Variants in GSE1 observed in about 807,000 individuals in gnomAD.
GSE1 encodes Gse1 coiled-coil protein.
GSE1 carries 32 observed loss-of-function variants against 112.6 expected under a neutral mutation model. The observed-to-expected ratio is 0.28, with a 90% CI of 0.21 to 0.38. The LOEUF (loss-of-function observed/expected upper bound fraction) is 0.38, where lower values mean the gene tolerates loss of function less well. Ranked by LOEUF, GSE1 falls within the 10% of genes least tolerant of loss-of-function variation. The pLI, the probability that GSE1 is intolerant of heterozygous loss-of-function variation, is 1.00. For synonymous variants in GSE1, 1,115 were observed against 735.6 expected, an observed-to-expected ratio of 1.52 and a Z score of -8.35; for missense variants, 2,348 against 1,699.2, an observed-to-expected ratio of 1.38 and a Z score of -6.71.
intron 2 of GSE1, among the ~76,000 whole-genome samples, chr16:85,436,489 CTT>C (rs1340743657): frequency 6.6e-6 from 1 of 152,260 alleles, no homozygotes; most frequent in African/African-American, 2.4e-5. Context: ...TGGGGTAACT[CTT>C]AGCCTAGAAT....
rs958601281 is a variant in GSE1 at position 85,325,228 on chromosome 16, C to G, written c.2284-32235C>G. ...AAGTGATCCTCCCACCTCAGTCTCT[C>G]AAAGTACTTGGATTATAGGCATGAA... On this transcript the variant is annotated intron_variant, in intron 1 of 2. Transcript: ENST00000637419. 3.9e-5 allele frequency among the ~76,000 whole-genome samples: 6 copies of G among 152,044 alleles called. No individual in the cohort carries two copies. In the South Asian group the frequency reaches 1.2e-3, roughly 32 times the overall value.
chr16:85,349,472 T>C (rs1393429279), intron 1 of GSE1, among the ~76,000 whole-genome samples: 2 of 152,036 alleles, frequency 1.3e-5, no homozygotes, highest in Non-Finnish European at 2.9e-5. Flanking sequence ...GGCCTGTCCA[T>C]GTTCCCTTCT....
chr16:85,590,403 G>C (rs2151430312), intron 1 of GSE1, among the ~76,000 whole-genome samples: 1 of 151,784 alleles, frequency 6.6e-6, no homozygotes, highest in South Asian at 2.1e-4. Context: ...GTGTGACATT[G>C]TGTGTGTGAA....
intron 2 of GSE1, among the ~76,000 whole-genome samples, chr16:85,413,707 A>C (rs1378859921): frequency 1.3e-5 from 2 of 152,058 alleles, no homozygotes; most frequent in Admixed American, 6.5e-5. Context: ...TAACATAGAG[A>C]ATCCTAATGG....
intron 1 of GSE1, among the ~76,000 whole-genome samples, chr16:85,235,993 G>GGCCTGT (rs1158854746): frequency 3.9e-5 from 6 of 151,950 alleles, no homozygotes; most frequent in Admixed American, 6.5e-5. Context: ...CCTGGGCCTG[G>GGCCTGT]GCCTGGGGCT....
chr16:85,327,164 C>T (rs1028176989), intron 1 of GSE1, among the ~76,000 whole-genome samples: 1 of 152,166 alleles, frequency 6.6e-6, no homozygotes, highest in African/African-American at 2.4e-5. Context: ...GTCCCAAGAC[C>T]AGTGTCCCAA....
intron 1 of GSE1, among the ~76,000 whole-genome samples, chr16:85,319,636 C>T (rs2046058308): frequency 6.6e-6 from 1 of 152,186 alleles, no homozygotes; most frequent in South Asian, 2.1e-4. Context: ...AGAACAGGGC[C>T]CATAGGGCCC....
rs745443907 is a variant in GSE1, at chr16:85,663,587, A to G, written c.2617A>G (p.Thr873Ala). 6.8e-6 allele frequency: 11 copies of G among 1,613,738 alleles called. No homozygotes were observed. Among genetic ancestry groups the G allele is most frequent in the South Asian group, 2.2e-5 (2 of 91,076 alleles). ...KKKFLTIFNL[T>A]HISAEKRKDK... ...GAAGTTCCTGACCATCTTCAACCTG[A>G]CCCACATCAGCGCTGAGAAGAGGAA... Residue 873 changes from threonine to alanine, a missense_variant, in exon 11 of 16, where the codon ACC (threonine) becomes GCC (alanine). Thr to Ala is a moderately conservative substitution (Grantham distance 58, BLOSUM62 0). Transcript: ENST00000253458.
intron 1 of GSE1, among the ~76,000 whole-genome samples, chr16:85,596,569 A>C (rs2047235821): frequency 6.6e-6 from 1 of 152,232 alleles, no homozygotes; most frequent in African/African-American, 2.4e-5. Flanking sequence ...CTGTATTCTA[A>C]CATTATGCTG....
At chr16:85,496,005 C>G (rs1314593226) in intron 2 of GSE1, among the ~76,000 whole-genome samples, 1 of 152,184 alleles carries the variant, frequency 6.6e-6, no homozygotes. Flanking sequence ...GGGGACCTGC[C>G]TCAGAGCGTC....
intron 2 of GSE1, among the ~76,000 whole-genome samples, chr16:85,442,148 C>T (rs1380539601): frequency 2.6e-5 from 4 of 152,230 alleles, no homozygotes; most frequent in African/African-American, 9.6e-5. Flanking sequence ...ATTCCCAGAA[C>T]TTAGTCCTGC....
In GSE1 at chr16:85,273,517, C is replaced by T. The variant is rs150119983; in HGVS notation, c.2284-83946C>T. Among the ~76,000 whole-genome samples, 267 of 151,912 alleles carry T rather than the reference C, an allele frequency of 1.8e-3. 2 individuals carry two copies. Among genetic ancestry groups the T allele is most frequent in the Non-Finnish European group, 3.1e-3 (213 of 67,966 alleles). The stretch of plus-strand genomic sequence containing the variant: ...AGATCCATGGTGCAGCATGGATCAA[C>T]CATGAAAACGTGACGCTGAGTGACA... On this transcript the variant is annotated intron_variant, in intron 1 of 2. Transcript: ENST00000637419.
Position 85,672,417 on chromosome 16 carries a change from C to T in GSE1, c.3532C>T (p.Gln1178Ter). ...LSHSVAELRS[Q>*]KQKMVSERER... ...TCCCTCTCTCCAGGAGTTGAGGAGCCAGAAACAGAAGATGGTCTCAGAAAG... is the reference window on the plus strand; with the variant it reads ...TCCCTCTCTCCAGGAGTTGAGGAGCTAGAAACAGAAGATGGTCTCAGAAAG... The change falls in exon 16 of 16, where the codon CAG (glutamine) becomes TAG (stop). Residue 1178 changes from glutamine to a stop codon, truncating the protein, a stop_gained. Coordinates refer to ENST00000253458, the MANE Select transcript of GSE1 (RefSeq NM_014615.5). LOFTEE classifies it high-confidence loss of function. The T allele has an allele frequency of 6.2e-7, 1 of 1,611,926 alleles. No individual in the cohort carries two copies. Among genetic ancestry groups the T allele is most frequent in the Non-Finnish European group, 8.5e-7 (1 of 1,178,410 alleles).
chr16:85,550,531 G>A (rs750672788), intron 2 of GSE1, among the ~76,000 whole-genome samples: 53 of 151,824 alleles, frequency 3.5e-4, no homozygotes, highest in South Asian at 1.3e-3. Flanking sequence ...CAGCTTCCCC[G>A]CCCCTCCCTT....
rs183336468 is a variant in GSE1 at position 85,625,685 on chromosome 16, G to A, written c.8-8229G>A. The stretch of plus-strand genomic sequence containing the variant: ...AACCGGGGTGGCCAGCCCCCTCCCC[G>A]TCACCCCCATTCACAGCAGGACTGC... On this transcript the variant is annotated intron_variant, in intron 1 of 15. Coordinates refer to ENST00000253458, the MANE Select transcript of GSE1 (RefSeq NM_014615.5). 2.6e-3 allele frequency among the ~76,000 whole-genome samples: 390 copies of A among 152,186 alleles called. 4 individuals carry two copies. The highest frequency in any genetic ancestry group is 8.7e-3 in the African/African-American group (360 of 41,534).
intron 1 of GSE1, among the ~76,000 whole-genome samples, chr16:85,620,482 T>C (rs528309645): frequency 1.1e-4 from 16 of 152,372 alleles, no homozygotes; most frequent in African/African-American, 3.6e-4. Flanking sequence ...ATACTGGGTG[T>C]TGAAGACACA....
Position 85,657,590 on chromosome 16 carries a change from G to T in GSE1, c.1626G>T (p.Pro542=), listed in dbSNP as rs200904607. 3.3e-6 allele frequency: 5 copies of T among 1,535,662 alleles called. No homozygotes were observed. In the Admixed American group the frequency reaches 6.1e-5, roughly 19 times the overall value. Residue 542 remains proline (P), a synonymous_variant, in exon 8 of 16, where the codon CCG becomes CCT. Transcript: ENST00000253458. ...TGCCGGCGGAGGCAGAGCACAGGCC[G>T]GAGAGCACCACCAGGTGAGTGAGCC... is the stretch of plus-strand genomic sequence containing the variant. ...PPVPAEAEHR[P]ESTTRPGPNR... is the part of the protein sequence containing the mutation.
At chr16:85,502,970 C>G (rs1449019785) in intron 2 of GSE1, among the ~76,000 whole-genome samples, 1 of 152,110 alleles carries the variant, frequency 6.6e-6, no homozygotes, top group Admixed American at 6.5e-5. Flanking sequence ...CAGACAAGGT[C>G]CAGGGCTGGA....
At chr16:85,589,691 G>A (rs980337991) in intron 1 of GSE1, among the ~76,000 whole-genome samples, 2 of 152,170 alleles carry the variant, frequency 1.3e-5, no homozygotes, top group African/African-American at 4.8e-5. Context: ...GAATGTGAAC[G>A]TGAGATATTG....
Sources: allele counts gnomAD v4.1 joint callset (sites outside exome capture counted in the v4.1 genomes callset), GRCh38; gene constraint gnomAD v4.1.1; transcripts MANE v1.5; gene names NCBI Gene and HGNC (gene_info 2026-07-23, HGNC 2026-07-21).